RHOT2: variants seen among roughly 807,000 people sequenced by gnomAD.
RHOT2 encodes mitochondrial Rho GTPase 2.
In RHOT2, 90 loss-of-function variants were observed where a neutral mutation model predicts 81.6. That is an observed-to-expected ratio of 1.10 (90% confidence interval 0.93 to 1.31). The LOEUF is 1.31. RHOT2 is among the 40% of genes most tolerant of loss of function. The pLI is 0.00. For synonymous variants in RHOT2, 512 were observed against 370.9 expected, an observed-to-expected ratio of 1.38 and a Z score of -4.37; for missense variants, 1,014 against 841.9, an observed-to-expected ratio of 1.20 and a Z score of -2.53.
chr16:669,726 G>A, intron 5 of RHOT2, 120 bp downstream of exon 5: 1 of 1,019,524 alleles, frequency 9.8e-7, no homozygotes, highest in Non-Finnish European at 1.5e-6. Context: ...GCCTGACGTG[G>A]AGTTGCCTGA....
At chr16:668,117 G>T (rs1224956180), upstream of RHOT2, 2 of 416,614 alleles carry the variant, frequency 4.8e-6, no homozygotes, top group Non-Finnish European at 8.4e-6. Context: ...GGAAGTGCGG[G>T]GCGGGCGCGG....
Position 673,658 on chromosome 16 carries a change from G to C in RHOT2, c.*52G>C. 1 of 1,570,634 alleles carries C rather than the reference G, an allele frequency of 6.4e-7. No homozygotes were observed. The highest frequency in any genetic ancestry group is 1.2e-5 in the South Asian group (1 of 86,388). On this transcript the variant is annotated 3_prime_UTR_variant, in exon 19 of 19. Transcript: ENST00000315082. Reference sequence around the variant, plus strand: ...CTGACCTGGGTGTGCCTCGCTGCTGGGGCTCTGCAGGGGCAGCACAGCTGG... The same window carrying C: ...CTGACCTGGGTGTGCCTCGCTGCTGCGGCTCTGCAGGGGCAGCACAGCTGG...
rs982429564 is a variant in RHOT2 at position 673,928 on chromosome 16, C to T, written c.*322C>T. The T allele has an allele frequency of 9.4e-5, 52 of 553,624 alleles. No homozygotes were observed. The Admixed American group carries it at 1.1e-3, about 12-fold the overall frequency. 34.3% of individuals were successfully genotyped at this position (553,624 alleles called of 1,614,324 possible). The stretch of plus-strand genomic sequence containing the variant: ...GGAGCACAGGTGTGGGAGCTGGTGA[C>T]CCCAGACCCAGAATTCTCAGGGCTC... On this transcript the variant is annotated 3_prime_UTR_variant, in exon 19 of 19. Coordinates refer to ENST00000315082, the MANE Select transcript of RHOT2 (RefSeq NM_138769.3).
At chr16:672,211 C>T (rs202126579) in intron 14 of RHOT2, 30 bp downstream of exon 14, 5 of 1,612,228 alleles carry the variant, frequency 3.1e-6, no homozygotes, top group East Asian at 2.2e-5. Flanking sequence ...GGGCCTGGGC[C>T]CAGTATCCTG....
In RHOT2 at chr16:668,668, C is replaced by T. The variant is rs1348252727; in HGVS notation, c.191C>T (p.Thr64Met). 1 of 1,604,832 alleles carries T rather than the reference C, an allele frequency of 6.2e-7. No homozygotes were observed. The highest frequency in any genetic ancestry group is 8.5e-7 in the Non-Finnish European group (1 of 1,176,780). Residue 64 changes from threonine to methionine, a missense_variant, in exon 4 of 19, where the codon ACG becomes ATG. By Grantham distance (81) the Thr-to-Met change is moderately conservative. Coordinates refer to ENST00000315082, the MANE Select transcript of RHOT2 (RefSeq NM_138769.3). ...TTTGTCCCCCTAGAAGCCGAGCAGACGGACGAGGAGCTGCGGGAGGAGATC... is the reference window on the plus strand; with the variant it reads ...TTTGTCCCCCTAGAAGCCGAGCAGATGGACGAGGAGCTGCGGGAGGAGATC... The part of the protein sequence containing the change: ...HIVDYSEAEQ[T>M]DEELREEIHK...
rs2039303981 is a variant in RHOT2, at chr16:673,486, G to C, written c.1737G>C (p.Leu579Phe). ...TGATTCTTCTCTCTTGCAGACATTTGGTCCACGCAGAGCTGCATCCCTCTT... is the reference window on the plus strand; with the variant it reads ...TGATTCTTCTCTCTTGCAGACATTTCGTCCACGCAGAGCTGCATCCCTCTT... The part of the protein sequence containing the change: ...QLATMAAFPH[L>F]VHAELHPSSF... Residue 579 changes from leucine to phenylalanine, a missense_variant, in exon 19 of 19, where the codon TTG (leucine) becomes TTC (phenylalanine). Physicochemically the swap from Leu to Phe is conservative, Grantham distance 22 (BLOSUM62 0). Coordinates refer to ENST00000315082, the MANE Select transcript of RHOT2 (RefSeq NM_138769.3). 1 of 1,612,654 alleles carries C rather than the reference G, an allele frequency of 6.2e-7. No homozygotes were observed. The highest frequency in any genetic ancestry group is 1.7e-5 in the Admixed American group (1 of 60,002).
rs774590473 is a variant in RHOT2, at chr16:672,191, C to T, written c.1195+10C>T. ...GCCCATGCCATCACAGGTAGGCACCCACCCTCCCTGGGCCTGGGCCCAGTA... is the reference window on the plus strand; with the variant it reads ...GCCCATGCCATCACAGGTAGGCACCTACCCTCCCTGGGCCTGGGCCCAGTA... On this transcript the variant is annotated intron_variant, in intron 14 of 18. Transcript: ENST00000315082. 6.2e-7 allele frequency: 1 copy of T among 1,612,688 alleles called. No homozygotes were observed. Among genetic ancestry groups the T allele is most frequent in the Non-Finnish European group, 8.5e-7 (1 of 1,179,902 alleles).
In RHOT2 at chr16:671,742, C is replaced by G. The variant is rs770924203; in HGVS notation, c.915C>G (p.Gly305=). The G allele has an allele frequency of 6.2e-7, 1 of 1,612,530 alleles. No individual in the cohort carries two copies. Among genetic ancestry groups the G allele is most frequent in the Non-Finnish European group, 8.5e-7 (1 of 1,179,820 alleles). The change falls in exon 12 of 19, where the codon GGC becomes GGG. Residue 305 remains glycine, a synonymous_variant. Coordinates refer to ENST00000315082, the MANE Select transcript of RHOT2 (RefSeq NM_138769.3). ...PGCSTELNHL[G]YQFVQRVFEK... Reference sequence around the variant, plus strand: ...GCAGCACGGAGCTCAACCACCTTGGCTACCAGTTTGTGCAGAGAGTGTTTG... The same window carrying G: ...GCAGCACGGAGCTCAACCACCTTGGGTACCAGTTTGTGCAGAGAGTGTTTG...
intron 15 of RHOT2, 40 bp downstream of exon 15, chr16:672,424 G>GGGGCA (rs775173381): frequency 3.7e-6 from 6 of 1,607,426 alleles, no homozygotes; most frequent in Admixed American, 3.3e-5. Flanking sequence ...AGGGGCTCCA[G>GGGGCA]GGGCAGGGCA....
Position 671,934 on chromosome 16 carries a change from C to G in RHOT2, c.1029C>G (p.Pro343=), listed in dbSNP as rs1024298416. 6.2e-6 allele frequency: 10 copies of G among 1,612,088 alleles called. No individual in the cohort carries two copies. In the Admixed American group the frequency reaches 1.3e-4, roughly 22 times the overall value. The change falls in exon 13 of 19, where the codon CCC becomes CCG. Residue 343 remains proline (P), a synonymous_variant. Coordinates refer to ENST00000315082, the MANE Select transcript of RHOT2 (RefSeq NM_138769.3). ...FSVFPAAPWG[P]ELPRTVRTEA... ...TGTTCCCAGCAGCGCCCTGGGGCCC[C>G]GAGCTCCCACGCACAGTCCGCACAG...
Position 671,819 on chromosome 16 carries a change from C to T in RHOT2, c.954+38C>T, listed in dbSNP as rs1331991917. ...CGAGTCCCCTGCCCCTGCCCCCGCC[C>T]CCTCCCCGGCACACACATCACCACA... On this transcript the variant is annotated intron_variant, in intron 12 of 18. Coordinates refer to ENST00000315082, the MANE Select transcript of RHOT2 (RefSeq NM_138769.3). 3.1e-6 allele frequency: 5 copies of T among 1,602,104 alleles called. No individual in the cohort carries two copies. In the Middle Eastern group the frequency reaches 5.0e-4, roughly 159 times the overall value.
intron 1 of RHOT2, 47 bp downstream of exon 1, chr16:668,283 G>T (rs1486804994): frequency 4.3e-6 from 5 of 1,152,264 alleles, no homozygotes; most frequent in Admixed American, 7.9e-5. Flanking sequence ...CCGTGAGGCG[G>T]GGTGAGGGTC....
Position 672,999 on chromosome 16 carries a change from G to C in RHOT2, c.1599G>C (p.Ala533=), listed in dbSNP as rs199894469. ...SSKADLPEGV[A]VSGPSPAEFC... is the part of the protein sequence containing the mutation. Reference sequence around the variant, plus strand: ...AGGCCGACCTGCCCGAAGGTGTCGCGGTGTCTGGCCCATCACCGGCCGAGT... The same window carrying C: ...AGGCCGACCTGCCCGAAGGTGTCGCCGTGTCTGGCCCATCACCGGCCGAGT... Residue 533 remains alanine, a synonymous_variant, in exon 18 of 19, where the codon GCG becomes GCC. Transcript: ENST00000315082. 2 of 1,612,558 alleles carry C rather than the reference G, an allele frequency of 1.2e-6. No individual in the cohort carries two copies. Among genetic ancestry groups the C allele is most frequent in the Admixed American group, 3.3e-5 (2 of 60,008 alleles).
intron 15 of RHOT2, 46 bp from the exon 16 acceptor site, chr16:672,443 T>G (rs1596523170): frequency 3.1e-6 from 5 of 1,610,646 alleles, no homozygotes; most frequent in East Asian, 2.2e-5. Flanking sequence ...CAGGGCAATC[T>G]GGGGGGCACT....
At position 672,127 on chromosome 16, in the gene RHOT2, G is replaced by C. The variant is rs2039057998; in HGVS notation, c.1141G>C (p.Gly381Arg). ...CGTCCGGAGCTGCCTTGGACACCTA[G>C]GCTACCTGGGCTACCCCACCCTCTG... is the stretch of plus-strand genomic sequence containing the variant. ...LDVRSCLGHL[G>R]YLGYPTLCEQ... The change falls in exon 14 of 19, where the codon GGC (glycine) becomes CGC (arginine). Residue 381 changes from glycine (G) to arginine (R), a missense_variant. Transcript: ENST00000315082. 1.2e-6 allele frequency: 2 copies of C among 1,612,530 alleles called. No homozygotes were observed. The highest frequency in any genetic ancestry group is 1.1e-5 in the South Asian group (1 of 91,068).
In RHOT2 at chr16:671,882, C is replaced by T. The variant is rs765192120; in HGVS notation, c.977C>T (p.Pro326Leu). The T allele has an allele frequency of 1.2e-6, 2 of 1,612,010 alleles. No homozygotes were observed. Among genetic ancestry groups the T allele is most frequent in the Admixed American group, 3.3e-5 (2 of 59,984 alleles). ...CAGGACCGCGACGGCGCCCTCTCGC[C>T]CGTGGAGCTGCAAAGCCTTTTCAGT... Reference protein sequence around the residue: ...HDQDRDGALSPVELQSLFSVF... With the variant: ...HDQDRDGALSLVELQSLFSVF... The change falls in exon 13 of 19, where the codon CCC becomes CTC. Residue 326 changes from proline (P) to leucine (L), a missense_variant. Transcript: ENST00000315082.
At chr16:671,269 T>A in intron 11 of RHOT2, 66 bp downstream of exon 11, 1 of 1,501,484 alleles carries the variant, frequency 6.7e-7, no homozygotes, top group Non-Finnish European at 8.9e-7. Context: ...CGACTATCTC[T>A]CCCCTCCATG....
rs1456753006 is a variant in RHOT2, at chr16:670,731, C to T, written c.597C>T (p.Asp199=). ...LTRIFRLSDQ[D]LDQALSDEEL... ...GCATCTTCAGGCTCTCAGATCAGGA[C>T]CTGGACCAGGCGCTCAGTGACGAAG... Residue 199 remains aspartate, a synonymous_variant, in exon 9 of 19, where the codon GAC becomes GAT. Coordinates refer to ENST00000315082, the MANE Select transcript of RHOT2 (RefSeq NM_138769.3). 9 of 1,612,372 alleles carry T rather than the reference C, an allele frequency of 5.6e-6. No homozygotes were observed. Among genetic ancestry groups the T allele is most frequent in the Non-Finnish European group, 6.8e-6 (8 of 1,179,964 alleles).
Position 672,577 on chromosome 16 carries a change from G to A in RHOT2, c.1404+11G>A. 1 of 1,612,348 alleles carries A rather than the reference G, an allele frequency of 6.2e-7. No homozygotes were observed. Among genetic ancestry groups the A allele is most frequent in the South Asian group, 1.1e-5 (1 of 91,070 alleles). Reference sequence around the variant, plus strand: ...GAGAAGTACTTGATCGTGAGTGCTGGGGCGGCGCGGCCTGTGCCCGAGGGT... The same window carrying A: ...GAGAAGTACTTGATCGTGAGTGCTGAGGCGGCGCGGCCTGTGCCCGAGGGT... On this transcript the variant is annotated intron_variant, in intron 16 of 18. Transcript: ENST00000315082.
Sources: allele counts gnomAD v4.1 joint callset, GRCh38; gene constraint gnomAD v4.1.1; transcripts MANE v1.5; gene names NCBI Gene and HGNC (gene_info 2026-07-23, HGNC 2026-07-21).